Variants in PKD2L1 observed in about 807,000 individuals in gnomAD.
PKD2L1 encodes the protein polycystin-2-like protein 1.
Under a neutral mutation model 93.0 loss-of-function variants are expected in PKD2L1, and 77 were observed. The observed-to-expected ratio is 0.83, with a 90% confidence interval of 0.69 to 1.00. The LOEUF is 1.00. Ranked by LOEUF, PKD2L1 falls within the 50% of genes least tolerant of loss-of-function variation. PKD2L1 has a pLI of 0.00. For missense variants in PKD2L1, 977 were observed against 990.9 expected (o/e 0.99, Z 0.19); for synonymous variants, 390 against 388.0 (o/e 1.01, Z -0.06).
chr10:100,312,260 AC>A (rs1340504739), intron 2 of PKD2L1, among the ~76,000 whole-genome samples: 1 of 152,216 alleles, frequency 6.6e-6, no homozygotes, highest in Non-Finnish European at 1.5e-5. Context: ...TGCTTCAGTA[AC>A]GAAGTCTATG....
intron 2 of PKD2L1, among the ~76,000 whole-genome samples, chr10:100,328,690 T>C (rs1266346254): frequency 6.6e-6 from 1 of 151,220 alleles, no homozygotes. Flanking sequence ...TGCTCCTGGG[T>C]TTAAGCGATT....
At chr10:100,329,419 C>A in intron 1 of PKD2L1, 95 bp from the exon 2 acceptor site, 4 of 1,546,640 alleles carry the variant, frequency 2.6e-6, no homozygotes, top group Non-Finnish European at 3.5e-6. Context: ...CCCCTTTCCA[C>A]CCCTGCCCTT....
In PKD2L1 at chr10:100,296,193, C is replaced by T; in HGVS notation, c.1285G>A (p.Glu429Lys). ...LQQPNTYADF[E>K]FLAFWQTQYN... ...TGTGTCTGCCAGAAGGCGAGGAACT[C>T]AAAGTCTGCATACGTGTTTGGCTGC... The change falls in exon 7 of 16, where the codon GAG (glutamate) becomes AAG (lysine). Residue 429 changes from glutamate (E) to lysine (K), a missense_variant. Physicochemically the swap from Glu to Lys is moderately conservative, Grantham distance 56. Transcript: ENST00000318222. The T allele has an allele frequency of 6.2e-7, 1 of 1,612,496 alleles. No homozygotes were observed. Among genetic ancestry groups the T allele is most frequent in the Middle Eastern group, 1.7e-4 (1 of 6,054 alleles).
chr10:100,290,586 C>T, intron 12 of PKD2L1, 67 bp from the exon 13 acceptor site: 1 of 960,622 alleles, frequency 1.0e-6, no homozygotes. Flanking sequence ...CCTGTTCTAT[C>T]ACCTACTCTA....
rs780090981 is a variant in PKD2L1 at position 100,289,004 on chromosome 10, T to A, written c.2303A>T (p.Asp768Val). ...CTGCCCACCCTGGACTCCCCAGGGG[T>A]CTGGGGTCACAGCTGGGGCTGGCTG... ...HPQPAPAVTP[D>V]PWGVQGGQES... Residue 768 changes from aspartate (D) to valine (V), a missense_variant, in exon 15 of 16, where the codon GAC becomes GTC. Transcript: ENST00000318222. 3 of 1,611,648 alleles carry A rather than the reference T, an allele frequency of 1.9e-6. 1 individual carries two copies. The South Asian group carries it at 3.3e-5, about 18-fold the overall frequency.
Position 100,303,191 on chromosome 10 carries a change from G to GTTTTT in PKD2L1, c.350-3478_350-3474dup, listed in dbSNP as rs146131470. Reference sequence around the variant, plus strand: ...TTTAAGTCCATAATTACATCAAACTGTTTTTTTGTTTTTTTTTTTGAGACG... The same window carrying GTTTTT: ...TTTAAGTCCATAATTACATCAAACTGTTTTTTTTTTTTGTTTTTTTTTTTGAGACG... On this transcript the variant is annotated intron_variant, in intron 2 of 15. Coordinates refer to ENST00000318222, the MANE Select transcript of PKD2L1 (RefSeq NM_016112.3). 9.1e-3 allele frequency among the ~76,000 whole-genome samples: 1,168 copies of GTTTTT among 128,774 alleles called. 82 individuals are homozygous for GTTTTT. The highest frequency in any genetic ancestry group is 0.011 in the Non-Finnish European group (709 of 62,608). The allele number at this position is 128,774 out of a possible 152,430, so 84.5% of individuals were successfully genotyped here. A position where few individuals can be genotyped will look rare whatever the true frequency, so the allele number is the denominator to read the frequency against.
intron 11 of PKD2L1, 44 bp downstream of exon 11, chr10:100,292,904 T>C: frequency 6.3e-7 from 1 of 1,596,172 alleles, no homozygotes. Context: ...GGTTGAGGAC[T>C]TAAGAGACTG....
chr10:100,306,580 G>C (rs1405595480), intron 2 of PKD2L1, among the ~76,000 whole-genome samples: 1 of 151,932 alleles, frequency 6.6e-6, no homozygotes, highest in Non-Finnish European at 1.5e-5. Context: ...CAACTTAATG[G>C]GTCGGGCGCA....
chr10:100,329,346 C>A, intron 1 of PKD2L1, 22 bp from the exon 2 acceptor site: 1 of 1,614,068 alleles, frequency 6.2e-7, no homozygotes, highest in Non-Finnish European at 8.5e-7. Context: ...GGGAGAGATG[C>A]CTGGGATGCT....
intron 2 of PKD2L1, among the ~76,000 whole-genome samples, chr10:100,320,411 T>A (rs1253167103): frequency 6.6e-6 from 1 of 152,206 alleles, no homozygotes; most frequent in Non-Finnish European, 1.5e-5. Context: ...ACATGGTCAG[T>A]ATGGTTGACC....
chr10:100,304,446 A>G (rs763723555), intron 2 of PKD2L1, among the ~76,000 whole-genome samples: 2 of 152,176 alleles, frequency 1.3e-5, no homozygotes, highest in Non-Finnish European at 2.9e-5. Context: ...CAAATTCTAC[A>G]ATGTATAAAA....
chr10:100,300,202 T>A (rs1848644734), intron 2 of PKD2L1, among the ~76,000 whole-genome samples: 1 of 152,228 alleles, frequency 6.6e-6, no homozygotes, highest in Admixed American at 6.5e-5. Flanking sequence ...TGTGGTCTCA[T>A]GGCCCCTGGT....
intron 2 of PKD2L1, among the ~76,000 whole-genome samples, chr10:100,323,700 C>T (rs952796458): frequency 6.6e-6 from 1 of 152,208 alleles, no homozygotes; most frequent in Admixed American, 6.5e-5. Flanking sequence ...AAAATCATCT[C>T]TTTTAGCTAT....
chr10:100,304,328 C>T (rs752349487), intron 2 of PKD2L1, among the ~76,000 whole-genome samples: 2 of 152,122 alleles, frequency 1.3e-5, no homozygotes, highest in Non-Finnish European at 2.9e-5. Context: ...AAACCCAAAC[C>T]GAGTATTTCT....
At position 100,293,025 on chromosome 10, in the gene PKD2L1, C is replaced by T. The variant is rs143897817; in HGVS notation, c.1803G>A (p.Arg601=). Residue 601 remains arginine, a synonymous_variant, in exon 11 of 16, where the codon AGG becomes AGA. Coordinates refer to ENST00000318222, the MANE Select transcript of PKD2L1 (RefSeq NM_016112.3). ...GCAGGACCTTCTGCACATCCGAAAC[C>T]CTCTCCTTCCTCAGACGCAGTCTTA... ...TLLRLRLRKE[R]VSDVQKVLQG... is the part of the protein sequence containing the mutation. 79 of 1,614,026 alleles carry T rather than the reference C, an allele frequency of 4.9e-5. No individual in the cohort carries two copies. The highest frequency in any genetic ancestry group is 6.4e-5 in the Non-Finnish European group (75 of 1,180,024).
At chr10:100,317,183 T>C (rs893373365) in intron 2 of PKD2L1, among the ~76,000 whole-genome samples, 1 of 152,188 alleles carries the variant, frequency 6.6e-6, no homozygotes, top group Non-Finnish European at 1.5e-5. Flanking sequence ...ACAATCCCTA[T>C]ACATGTAAAC....
At chr10:100,317,899 G>A (rs1039438918) in intron 2 of PKD2L1, among the ~76,000 whole-genome samples, 1 of 152,002 alleles carries the variant, frequency 6.6e-6, no homozygotes, top group Non-Finnish European at 1.5e-5. Context: ...CCAACATGGC[G>A]AAATCCCATC....
rs567603700 is a variant in PKD2L1 at position 100,317,973 on chromosome 10, C to A, written c.349+11238G>T. Reference sequence around the variant, plus strand: ...TGCGTACCTGTAATCCCAGCTACTCCGGAGGCTGAGGCAGGAGACTAACTT... The same window carrying A: ...TGCGTACCTGTAATCCCAGCTACTCAGGAGGCTGAGGCAGGAGACTAACTT... On this transcript the variant is annotated intron_variant, in intron 2 of 15. Coordinates refer to ENST00000318222, the MANE Select transcript of PKD2L1 (RefSeq NM_016112.3). 2.0e-4 allele frequency among the ~76,000 whole-genome samples: 30 copies of A among 151,922 alleles called. No individual in the cohort carries two copies. In the East Asian group the frequency reaches 2.3e-3, roughly 12 times the overall value.
Position 100,294,631 on chromosome 10 carries a change from G to T in PKD2L1, c.1563C>A (p.Leu521=). Residue 521 remains leucine (L), a synonymous_variant, in exon 9 of 16, where the codon CTC becomes CTA. Transcript: ENST00000318222. ...CGATAGCATTGTAGTCAAAGTCCCC[G>T]AGGATTATCCGGAACTGAGTGAAAC... is the stretch of plus-strand genomic sequence containing the variant. ...KCIFTQFRII[L]GDFDYNAIDN... 6.2e-7 allele frequency: 1 copy of T among 1,614,072 alleles called. No individual in the cohort carries two copies. Among genetic ancestry groups the T allele is most frequent in the Non-Finnish European group, 8.5e-7 (1 of 1,179,996 alleles).
Sources: gnomAD v4.1 joint callset for allele counts (sites outside exome capture counted in the v4.1 genomes callset) on GRCh38, gnomAD v4.1.1 for gene constraint, MANE v1.5 for transcripts, NCBI Gene and HGNC (gene_info 2026-07-23, HGNC 2026-07-21) for gene names.